TFDP2: variants seen among roughly 807,000 people sequenced by gnomAD.
TFDP2 encodes transcription factor Dp-2.
Under a neutral mutation model 59.3 loss-of-function variants are expected in TFDP2, and 17 were observed. The ratio of observed to expected loss-of-function variants is 0.29; its 90% CI spans 0.20 to 0.43. The LOEUF (loss-of-function observed/expected upper bound fraction) is 0.43. Among genes scored for constraint, TFDP2 ranks in the 20% least tolerant of loss-of-function variants. TFDP2 has a pLI of 1.00. For synonymous variants in TFDP2, 180 were observed against 194.7 expected (o/e 0.92, Z 0.63); for missense variants, 391 against 528.8 (o/e 0.74, Z 2.56).
In TFDP2 at chr3:142,143,784, C is replaced by T. The variant is rs576460812; in HGVS notation, c.-93+5399G>A. ...TGGTGGGGATGTGCAGAGAAGGGAA[C>T]CTTCTCAAACTGTTGATGGGAACGT... On this transcript the variant is annotated intron_variant, in intron 1 of 12. Coordinates refer to ENST00000489671, the MANE Select transcript of TFDP2 (RefSeq NM_001178139.2). Among the ~76,000 whole-genome samples, 8 of 152,264 alleles carry T rather than the reference C, an allele frequency of 5.3e-5. No homozygotes were observed. The South Asian group carries it at 1.7e-3, about 32-fold the overall frequency.
chr3:142,134,160 C>T (rs2062625567), intron 1 of TFDP2, among the ~76,000 whole-genome samples: 1 of 151,764 alleles, frequency 6.6e-6, no homozygotes, highest in Admixed American at 6.6e-5. Context: ...GAAGGAGTTC[C>T]ACGTAGTCCC....
intron 12 of TFDP2, 93 bp from the exon 13 acceptor site, chr3:141,952,789 T>G (rs1936078968): frequency 1.9e-6 from 3 of 1,573,062 alleles, no homozygotes; most frequent in African/African-American, 2.7e-5. Flanking sequence ...GTGCCATTGG[T>G]GAGATCTGCC....
chr3:142,060,281 T>A (rs540116565), intron 3 of TFDP2, among the ~76,000 whole-genome samples: 1 of 152,238 alleles, frequency 6.6e-6, no homozygotes, highest in Non-Finnish European at 1.5e-5. Flanking sequence ...GCATTAGGAT[T>A]ATAGGCGTGA....
intron 3 of TFDP2, among the ~76,000 whole-genome samples, chr3:142,033,994 C>G (rs1047306759): frequency 6.6e-6 from 1 of 152,070 alleles, no homozygotes; most frequent in Non-Finnish European, 1.5e-5. Flanking sequence ...CTTCTAACTG[C>G]TAACCAAACT....
chr3:142,106,197 G>C (rs2061467582), intron 1 of TFDP2, among the ~76,000 whole-genome samples: 1 of 151,962 alleles, frequency 6.6e-6, no homozygotes, highest in Non-Finnish European at 1.5e-5. Context: ...ATACTGAACA[G>C]TCACTATGTG....
chr3:142,073,283 A>G (rs2060311433), intron 3 of TFDP2, among the ~76,000 whole-genome samples: 1 of 152,158 alleles, frequency 6.6e-6, no homozygotes, highest in Non-Finnish European at 1.5e-5. Flanking sequence ...ATATTGCCCA[A>G]TCTGAGTTTT....
intron 3 of TFDP2, among the ~76,000 whole-genome samples, chr3:142,035,211 T>A (rs1338990917): frequency 1.3e-5 from 2 of 152,214 alleles, no homozygotes; most frequent in African/African-American, 2.4e-5. Context: ...GGGCACACCA[T>A]AAATAATTAG....
intron 3 of TFDP2, among the ~76,000 whole-genome samples, chr3:142,056,057 G>A (rs1705624): frequency 0.75 from 112,231 of 149,382 alleles, 42,089 homozygotes; most frequent in South Asian, 0.81. Flanking sequence ...AGGTTCAAGC[G>A]ATTCTCCTGC....
At chr3:142,095,671 T>C (rs1419263807) in intron 2 of TFDP2, among the ~76,000 whole-genome samples, 2 of 152,214 alleles carry the variant, frequency 1.3e-5, no homozygotes, top group African/African-American at 4.8e-5. Flanking sequence ...TAACTATATG[T>C]TATGGCTCTT....
chr3:142,033,991 C>A (rs1323213216), intron 3 of TFDP2, among the ~76,000 whole-genome samples: 3 of 152,070 alleles, frequency 2.0e-5, no homozygotes, highest in African/African-American at 7.2e-5. Context: ...TCCCTTCTAA[C>A]TGCTAACCAA....
At chr3:142,002,730 C>G (rs1943901076) in intron 4 of TFDP2, among the ~76,000 whole-genome samples, 1 of 152,186 alleles carries the variant, frequency 6.6e-6, no homozygotes, top group Admixed American at 6.5e-5. Flanking sequence ...TGCCCATTAT[C>G]CAGTTCCAAA....
chr3:141,970,179 T>C, intron 8 of TFDP2, 38 bp from the exon 9 acceptor site: 1 of 1,585,402 alleles, frequency 6.3e-7, no homozygotes, highest in Non-Finnish European at 8.7e-7. Flanking sequence ...TGAACATAGG[T>C]AGACTATAAA....
At position 141,947,486 on chromosome 3, in the gene TFDP2, C is replaced by T. The variant is rs1935382749; in HGVS notation, c.*5027G>A. On this transcript the variant is annotated 3_prime_UTR_variant, in exon 13 of 13. Coordinates refer to ENST00000489671, the MANE Select transcript of TFDP2 (RefSeq NM_001178139.2). The stretch of plus-strand genomic sequence containing the variant: ...CTGGAGTGCAGTGGCGGGATCTTGG[C>T]TCACTGCAACCTCCGCCTCCTGGGT... The T allele has an allele frequency of 6.6e-6, 1 of 152,194 alleles. No individual in the cohort carries two copies. Among genetic ancestry groups the T allele is most frequent in the Admixed American group, 6.6e-5 (1 of 15,262 alleles). 9.4% of individuals were successfully genotyped at this position (152,194 alleles called of 1,614,324 possible).
intron 1 of TFDP2, among the ~76,000 whole-genome samples, chr3:142,140,016 A>G (rs1304341010): frequency 2.0e-5 from 3 of 152,076 alleles, no homozygotes; most frequent in Non-Finnish European, 4.4e-5. Context: ...TCAAACACAG[A>G]TTTGGTCTTT....
intron 3 of TFDP2, among the ~76,000 whole-genome samples, chr3:142,082,328 T>C (rs1308008692): frequency 6.6e-6 from 1 of 152,200 alleles, no homozygotes; most frequent in Admixed American, 6.5e-5. Context: ...AATTACTTCA[T>C]TATATATCAC....
rs1258644966 is a variant in TFDP2 at position 142,038,123 on chromosome 3, G to C, written c.83-32579C>G. Reference sequence around the variant, plus strand: ...AGAAGGGCCAGGCGCAGTGGCACACGCCTGTAATCCCAGCACTCTGGGAGG... The same window carrying C: ...AGAAGGGCCAGGCGCAGTGGCACACCCCTGTAATCCCAGCACTCTGGGAGG... On this transcript the variant is annotated intron_variant, in intron 3 of 12. Transcript: ENST00000489671. 3.3e-5 allele frequency among the ~76,000 whole-genome samples: 5 copies of C among 152,242 alleles called. No individual in the cohort carries two copies. The South Asian group carries it at 8.3e-4, about 25-fold the overall frequency.
intron 3 of TFDP2, among the ~76,000 whole-genome samples, chr3:142,009,187 CTGTT>C (rs1944444934): frequency 6.6e-6 from 1 of 152,188 alleles, no homozygotes; most frequent in Non-Finnish European, 1.5e-5. Context: ...ATGATAAAAA[CTGTT>C]TGATCAGCAA....
chr3:142,073,518 A>G (rs2060333746), intron 3 of TFDP2, among the ~76,000 whole-genome samples: 1 of 142,246 alleles, frequency 7.0e-6, no homozygotes, highest in Non-Finnish European at 1.5e-5. Flanking sequence ...AGTTTCATAT[A>G]ATTAATGGAA....
chr3:142,039,719 C>T (rs1946865639), intron 3 of TFDP2, among the ~76,000 whole-genome samples: 1 of 152,102 alleles, frequency 6.6e-6, no homozygotes, highest in Non-Finnish European at 1.5e-5. Flanking sequence ...ACCTATGACA[C>T]CACCATAAGC....
Sources: gnomAD v4.1 joint callset for allele counts (sites outside exome capture counted in the v4.1 genomes callset) on GRCh38, gnomAD v4.1.1 for gene constraint, MANE v1.5 for transcripts, NCBI Gene and HGNC (gene_info 2026-07-23, HGNC 2026-07-21) for gene names.